The following ANK3 variants were observed in gnomAD, a reference collection of about 807,000 sequenced individuals.
ANK3 encodes ankyrin 3, also known as ankyrin-3.
ANK3 carries 57 observed loss-of-function variants against 370.9 expected under a neutral mutation model. The ratio of observed to expected loss-of-function variants is 0.15; its 90% confidence interval spans 0.12 to 0.19. ANK3 has a LOEUF of 0.19. Among genes scored for constraint, ANK3 ranks in the 10% least tolerant of loss-of-function variants. The pLI, the probability that ANK3 is intolerant of heterozygous loss-of-function variation, is 1.00. For missense variants in ANK3, 4,439 were observed against 5,302.1 expected (o/e 0.84, Z 5.06); for synonymous variants, 1,929 against 1,946.3 (o/e 0.99, Z 0.23).
intron 1 of ANK3, among the ~76,000 whole-genome samples, chr10:60,708,994 A>T (rs758973889): frequency 2.0e-5 from 3 of 152,228 alleles, no homozygotes; most frequent in Non-Finnish European, 4.4e-5. Flanking sequence ...ATTTCTAGCA[A>T]GATAAACACA....
intron 7 of ANK3, among the ~76,000 whole-genome samples, chr10:60,237,665 T>C (rs1236664430): frequency 1.3e-5 from 2 of 152,044 alleles, no homozygotes; most frequent in African/African-American, 4.8e-5. Flanking sequence ...ATGTGCACAA[T>C]GTGCAGGTTA....
At chr10:60,050,841 TC>T in intron 42 of ANK3, 1 of 151,952 alleles carries the variant, frequency 6.6e-6, no homozygotes, top group African/African-American at 2.4e-5. Flanking sequence ...TTAAATTGAC[TC>T]CTATACTTAA....
intron 2 of ANK3, among the ~76,000 whole-genome samples, chr10:60,545,014 G>A (rs191008716): frequency 0.13 from 29 of 216 alleles, no homozygotes; most frequent in Admixed American, 0.37. Context: ...ATTCTTCCCC[G>A]GAAGGCTCTT....
At chr10:60,719,992 C>T (rs1006342703) in intron 1 of ANK3, among the ~76,000 whole-genome samples, 24 of 152,126 alleles carry the variant, frequency 1.6e-4, no homozygotes, top group African/African-American at 5.1e-4. Flanking sequence ...TCAATGATCT[C>T]TATTTTTAAG....
chr10:60,401,388 T>C (rs1170512450), intron 2 of ANK3, among the ~76,000 whole-genome samples: 1 of 152,210 alleles, frequency 6.6e-6, no homozygotes, highest in East Asian at 1.9e-4. Context: ...TCATGTTAAG[T>C]GTTCTTAACC....
intron 2 of ANK3, among the ~76,000 whole-genome samples, chr10:60,504,380 G>A (rs1000981736): frequency 6.6e-6 from 1 of 152,070 alleles, no homozygotes; most frequent in African/African-American, 2.4e-5. Flanking sequence ...AGAAATTAAA[G>A]GGTTCACTTT....
rs549926235 is a variant in ANK3 at position 60,528,840 on chromosome 10, G to C, written c.96+86346C>G. ...CCCTGGGGGACAAAAATCATCTCCTGTTAATAATCACTGATCTATATTCAG... is the reference window on the plus strand; with the variant it reads ...CCCTGGGGGACAAAAATCATCTCCTCTTAATAATCACTGATCTATATTCAG... On this transcript the variant is annotated intron_variant, in intron 2 of 43. Transcript: ENST00000373827. Among the ~76,000 whole-genome samples, 5 of 152,160 alleles carry C rather than the reference G, an allele frequency of 3.3e-5. No homozygotes were observed. In the East Asian group the frequency reaches 9.7e-4, roughly 29 times the overall value.
At chr10:60,468,607 T>C (rs775257045) in intron 2 of ANK3, among the ~76,000 whole-genome samples, 1 of 152,204 alleles carries the variant, frequency 6.6e-6, no homozygotes, top group South Asian at 2.1e-4. Flanking sequence ...TACTGATTCA[T>C]ACACAAGGAT....
At chr10:60,101,738 CCTGGGCTTG>C (rs2091289723) in intron 28 of ANK3, among the ~76,000 whole-genome samples, 1 of 152,102 alleles carries the variant, frequency 6.6e-6, no homozygotes, top group Non-Finnish European at 1.5e-5. Flanking sequence ...TATTTCAGTC[CCTGGGCTTG>C]CTGGTGATAA....
At chr10:60,313,274 G>A (rs1174429515) in intron 1 of ANK3, among the ~76,000 whole-genome samples, 2 of 152,168 alleles carry the variant, frequency 1.3e-5, no homozygotes, top group Non-Finnish European at 2.9e-5. Context: ...CAAAGTTAAA[G>A]GAAGCCAGTA....
chr10:60,563,150 A>T (rs1253556325), intron 2 of ANK3, among the ~76,000 whole-genome samples: 1 of 152,196 alleles, frequency 6.6e-6, no homozygotes, highest in East Asian at 1.9e-4. Context: ...AAGCTTTATA[A>T]ATATCATCTT....
At chr10:60,394,605 A>G (rs1030140500), upstream of ANK3, among the ~76,000 whole-genome samples, 1 of 152,202 alleles carries the variant, frequency 6.6e-6, no homozygotes, top group African/African-American at 2.4e-5. Context: ...AGGTCTCTCC[A>G]TCACACCCAC....
At chr10:60,462,157 T>C (rs529051003) in intron 2 of ANK3, among the ~76,000 whole-genome samples, 1 of 152,166 alleles carries the variant, frequency 6.6e-6, no homozygotes, top group African/African-American at 2.4e-5. Flanking sequence ...GGGTCCTATA[T>C]TCTAGATAAC....
chr10:60,294,004 T>G (rs1343963043), intron 1 of ANK3, among the ~76,000 whole-genome samples: 5 of 152,210 alleles, frequency 3.3e-5, no homozygotes, highest in Admixed American at 3.3e-4. Context: ...TAAGGATCCT[T>G]ATTATGTAGG....
chr10:60,261,806 G>A (rs1592663128), intron 7 of ANK3, 53 bp downstream of exon 7: 3 of 1,499,484 alleles, frequency 2.0e-6, no homozygotes, highest in African/African-American at 2.8e-5. Flanking sequence ...GGGAAAGAGA[G>A]TATAAAATAG....
chr10:60,686,787 A>T (rs1385680062), intron 1 of ANK3, among the ~76,000 whole-genome samples: 1 of 152,184 alleles, frequency 6.6e-6, no homozygotes, highest in Admixed American at 6.5e-5. Flanking sequence ...TTACAGATGT[A>T]ACAAGCATGC....
intron 1 of ANK3, among the ~76,000 whole-genome samples, chr10:60,363,576 G>A (rs7916917): frequency 0.5 from 75,345 of 152,034 alleles, 19,527 homozygotes; most frequent in South Asian, 0.61. Context: ...GTTGGGGCGC[G>A]TGGCTAAGTG....
chr10:60,635,669 T>C (rs1302045773), intron 1 of ANK3, among the ~76,000 whole-genome samples: 2 of 150,156 alleles, frequency 1.3e-5, no homozygotes, highest in African/African-American at 4.9e-5. Context: ...GTAGTCATTT[T>C]AAAAAATAAA....
At chr10:60,175,993 T>A (rs951072986) in intron 18 of ANK3, among the ~76,000 whole-genome samples, 1 of 152,142 alleles carries the variant, frequency 6.6e-6, no homozygotes, top group Non-Finnish European at 1.5e-5. Flanking sequence ...ATATCATCAG[T>A]GCTCAATAAA....
Sources: gnomAD v4.1 joint callset for allele counts (sites outside exome capture counted in the v4.1 genomes callset) on GRCh38, gnomAD v4.1.1 for gene constraint, MANE v1.5 for transcripts, NCBI Gene and HGNC (gene_info 2026-07-23, HGNC 2026-07-21) for gene names.